The following SDK1 variants were observed in gnomAD, a reference collection of about 807,000 sequenced individuals.
The protein encoded by SDK1 is protein sidekick-1.
SDK1 carries 157 observed loss-of-function variants against 245.5 expected under a neutral mutation model. That is an observed-to-expected ratio of 0.64 (90% CI 0.56 to 0.73). The LOEUF is 0.73. SDK1 is among the 30% of genes least tolerant of loss of function. The probability of loss-of-function intolerance (pLI) is 0.00; values close to 1 mark genes in which losing one functional copy is unlikely to be tolerated. For synonymous variants in SDK1, 1,647 were observed against 1,278.5 expected, an observed-to-expected ratio of 1.29 and a Z score of -6.15; for missense variants, 3,583 against 3,002.3, an observed-to-expected ratio of 1.19 and a Z score of -4.52.
At chr7:3,655,855 A>C (rs944888947) in intron 4 of SDK1, among the ~76,000 whole-genome samples, 5 of 152,112 alleles carry the variant, frequency 3.3e-5, no homozygotes, top group African/African-American at 1.2e-4. Flanking sequence ...TGGGAAGATC[A>C]GTTAGCTATT....
chr7:4,161,889 A>G (rs1295374915), intron 32 of SDK1, 33 bp downstream of exon 32: 4 of 1,583,242 alleles, frequency 2.5e-6, no homozygotes, highest in South Asian at 2.2e-5. Context: ...GCGTTTTGTC[A>G]AATGTGTTCT....
intron 5 of SDK1, among the ~76,000 whole-genome samples, chr7:3,934,826 AGAG>A (rs1780100124): frequency 6.6e-6 from 1 of 152,206 alleles, no homozygotes; most frequent in Non-Finnish European, 1.5e-5. Flanking sequence ...AAGTGTGAGT[AGAG>A]GAGTGTGCAA....
At chr7:4,207,210 G>A (rs1294603096) in intron 36 of SDK1, among the ~76,000 whole-genome samples, 1 of 152,208 alleles carries the variant, frequency 6.6e-6, no homozygotes, top group Non-Finnish European at 1.5e-5. Flanking sequence ...CAGCCCTGGG[G>A]CGCTCCAGGC....
chr7:3,920,465 G>C (rs1383960729), intron 5 of SDK1, among the ~76,000 whole-genome samples: 2 of 152,110 alleles, frequency 1.3e-5, no homozygotes, highest in East Asian at 3.9e-4. Context: ...CCAGGGAGTA[G>C]CTTCTAAGAC....
At chr7:3,398,426 T>C (rs1160842747) in intron 1 of SDK1, among the ~76,000 whole-genome samples, 4 of 151,968 alleles carry the variant, frequency 2.6e-5, no homozygotes, top group African/African-American at 4.8e-5. Flanking sequence ...CATTTTTTTT[T>C]CTCCTCTTCT....
At chr7:4,191,249 C>G (rs1466480791) in intron 35 of SDK1, among the ~76,000 whole-genome samples, 3 of 152,076 alleles carry the variant, frequency 2.0e-5, no homozygotes, top group Non-Finnish European at 4.4e-5. Context: ...AGGCCCTCCC[C>G]CGCCGCGGTC....
At chr7:3,802,246 G>T (rs2115036576) in intron 4 of SDK1, among the ~76,000 whole-genome samples, 2 of 152,256 alleles carry the variant, frequency 1.3e-5, no homozygotes, top group Middle Eastern at 3.4e-3. Context: ...ACAATACAGT[G>T]CTGGGCTGGT....
intron 44 of SDK1, among the ~76,000 whole-genome samples, chr7:4,252,303 C>T (rs1033925148): frequency 1.3e-5 from 2 of 149,762 alleles, no homozygotes; most frequent in Admixed American, 6.8e-5. Flanking sequence ...TGAGAACATG[C>T]GGTGTTTGGT....
chr7:3,827,270 A>T (rs748779884), intron 5 of SDK1, among the ~76,000 whole-genome samples: 4 of 152,150 alleles, frequency 2.6e-5, no homozygotes, highest in Non-Finnish European at 4.4e-5. Context: ...CAGGCATGTA[A>T]AATTTCCAAA....
intron 4 of SDK1, among the ~76,000 whole-genome samples, chr7:3,655,692 T>G (rs1332341109): frequency 6.6e-6 from 1 of 151,668 alleles, no homozygotes; most frequent in East Asian, 1.9e-4. Context: ...TAGTGAATAT[T>G]TATTGAACAA....
Position 4,026,851 on chromosome 7 carries a change from C to T in SDK1, c.2602+9499C>T, listed in dbSNP as rs919131379. Among the ~76,000 whole-genome samples the T allele has an allele frequency of 6.6e-6, 1 of 152,164 alleles. No homozygotes were observed. The highest frequency in any genetic ancestry group is 1.5e-5 in the Non-Finnish European group (1 of 68,030). On this transcript the variant is annotated intron_variant, in intron 17 of 44. Coordinates refer to ENST00000404826, the MANE Select transcript of SDK1 (RefSeq NM_152744.4). This position sits in a 1 kb window ranked among gnomAD's most constrained non-coding sequence, Gnocchi z 4.1. Reference sequence around the variant, plus strand: ...AACGGCAATATGTACACCCACCCAGCGGTGTGCGGCCGGTGACTCTACCAG... The same window carrying T: ...AACGGCAATATGTACACCCACCCAGTGGTGTGCGGCCGGTGACTCTACCAG...
intron 5 of SDK1, among the ~76,000 whole-genome samples, chr7:3,882,400 C>G (rs958503835): frequency 6.6e-6 from 1 of 152,170 alleles, no homozygotes; most frequent in African/African-American, 2.4e-5. Flanking sequence ...GCCAGGAGAC[C>G]CTGATGCGGG....
intron 1 of SDK1, among the ~76,000 whole-genome samples, chr7:3,578,552 C>A (rs529602495): frequency 1.3e-5 from 2 of 151,860 alleles, no homozygotes; most frequent in Non-Finnish European, 2.9e-5. Flanking sequence ...TGCAGGAGAC[C>A]AGGGTGTATT....
intron 1 of SDK1, among the ~76,000 whole-genome samples, chr7:3,597,627 A>T (rs1562591405): frequency 6.6e-6 from 1 of 152,118 alleles, no homozygotes; most frequent in East Asian, 1.9e-4. Context: ...TTACAGTCTT[A>T]GTTTGATTAG....
At chr7:4,237,436 G>A (rs1305520277) in intron 41 of SDK1, among the ~76,000 whole-genome samples, 1 of 152,042 alleles carries the variant, frequency 6.6e-6, no homozygotes, top group Non-Finnish European at 1.5e-5. Context: ...AATGGGGGCT[G>A]TTGAATTCCC....
intron 43 of SDK1, among the ~76,000 whole-genome samples, chr7:4,244,429 C>T (rs1182421146): frequency 6.6e-6 from 1 of 152,204 alleles, no homozygotes; most frequent in Non-Finnish European, 1.5e-5. Flanking sequence ...GCACTCAGTC[C>T]TGCCTGATGT....
chr7:4,118,184 A>G (rs187463175), intron 25 of SDK1, among the ~76,000 whole-genome samples: 4 of 152,350 alleles, frequency 2.6e-5, no homozygotes, highest in East Asian at 1.9e-4. Context: ...CAAATTATGT[A>G]TCTCATGAGG....
At chr7:4,073,512 A>G (rs947784578) in intron 20 of SDK1, among the ~76,000 whole-genome samples, 1 of 152,256 alleles carries the variant, frequency 6.6e-6, no homozygotes, top group Non-Finnish European at 1.5e-5. Context: ...CTAGGTCGAC[A>G]TGACAAACAT....
intron 20 of SDK1, among the ~76,000 whole-genome samples, chr7:4,073,161 G>GCCTCTCT (rs904730323): frequency 3.3e-5 from 5 of 152,290 alleles, no homozygotes; most frequent in South Asian, 2.1e-4. Flanking sequence ...GGCTCCGGGC[G>GCCTCTCT]CCTCTCTCCT....
Sources: allele counts gnomAD v4.1 joint callset (sites outside exome capture counted in the v4.1 genomes callset), GRCh38; gene constraint gnomAD v4.1.1; non-coding constraint Gnocchi (gnomAD v3.1); transcripts MANE v1.5; gene names NCBI Gene and HGNC (gene_info 2026-07-23, HGNC 2026-07-21).